Variants in CRB1 observed in about 807,000 individuals in gnomAD.
CRB1 encodes the protein crumbs cell polarity complex component 1.
A neutral mutation model predicts 120.0 loss-of-function variants in CRB1; 83 were observed. The observed-to-expected ratio is 0.69, with a 90% CI of 0.58 to 0.83. CRB1 has a LOEUF of 0.83. Among genes scored for constraint, CRB1 ranks in the 40% least tolerant of loss-of-function variants. CRB1 has a pLI of 0.00. For missense variants in CRB1, 1,699 were observed against 1,687.6 expected, an observed-to-expected ratio of 1.01 and a Z score of -0.12; for synonymous variants, 625 against 612.5, an observed-to-expected ratio of 1.02 and a Z score of -0.30.
intron 5 of CRB1, among the ~76,000 whole-genome samples, chr1:197,397,194 C>T (rs1662814912): frequency 6.6e-6 from 1 of 152,006 alleles, no homozygotes; most frequent in Non-Finnish European, 1.5e-5. Context: ...ATATCAATAA[C>T]ATGTCCATTG....
chr1:197,266,686 T>C (rs1485450871), upstream of CRB1, among the ~76,000 whole-genome samples: 1 of 152,184 alleles, frequency 6.6e-6, no homozygotes, highest in Admixed American at 6.5e-5. Context: ...TAACCATCCT[T>C]TGTATAACAT....
At chr1:197,354,695 G>A (rs1004150994) in intron 4 of CRB1, among the ~76,000 whole-genome samples, 11 of 151,748 alleles carry the variant, frequency 7.2e-5, no homozygotes, top group African/African-American at 2.4e-4. Flanking sequence ...CCCAAACAGT[G>A]GGCAACAGCA....
rs1430888234 is a variant in CRB1 at position 197,421,813 on chromosome 1, C to T, written c.1985C>T (p.Ser662Leu). ...HITLENISSG[S>L]SLNVKAGCVR... ...ACCCTGGAGAACATCTCGTCTGGCT[C>T]ATCATTAAATGTCAAGGCAGGCTGT... Residue 662 changes from serine to leucine, a missense_variant, in exon 6 of 12, where the codon TCA becomes TTA. Ser to Leu is a moderately radical substitution (Grantham distance 145). Coordinates refer to ENST00000367400, the MANE Select transcript of CRB1 (RefSeq NM_201253.3). The T allele has an allele frequency of 1.2e-6, 2 of 1,614,118 alleles. No individual in the cohort carries two copies. Among genetic ancestry groups the T allele is most frequent in the South Asian group, 1.1e-5 (1 of 91,078 alleles).
chr1:197,435,640 G>A (rs72740568), intron 9 of CRB1, 28 bp downstream of exon 9: 3 of 1,587,038 alleles, frequency 1.9e-6, no homozygotes, highest in Admixed American at 1.7e-5. Context: ...ATGAAGCTTG[G>A]TCTTTGAAGC....
the CRB1 span, among the ~76,000 whole-genome samples, chr1:197,220,837 C>T: frequency 2.2e-4 from 33 of 152,216 alleles, no homozygotes; most frequent in South Asian, 2.1e-4. Context: ...CCATGTAAGA[C>T]GTGCTTGCTT....
At chr1:197,441,166 A>C (rs1665414697) in intron 10 of CRB1, 1 of 152,156 alleles carries the variant, frequency 6.6e-6, no homozygotes, top group African/African-American at 2.4e-5. Context: ...GTTTACATAC[A>C]ATTTCAACAT....
intron 5 of CRB1, among the ~76,000 whole-genome samples, chr1:197,385,079 A>G (rs1336752699): frequency 6.6e-6 from 1 of 152,130 alleles, no homozygotes; most frequent in East Asian, 1.9e-4. Context: ...AAGCTCATTA[A>G]TTCTGGTAAC....
chr1:197,431,832 G>A (rs1410491016), intron 8 of CRB1, among the ~76,000 whole-genome samples: 1 of 152,046 alleles, frequency 6.6e-6, no homozygotes, highest in African/African-American at 2.4e-5. Flanking sequence ...GTGTACAATA[G>A]GAATTATAAA....
intron 5 of CRB1, chr1:197,364,187 C>A: frequency 2.1e-6 from 1 of 471,446 alleles, no homozygotes; most frequent in Non-Finnish European, 3.7e-6. Flanking sequence ...AATCCCATTT[C>A]CTATTACAGT....
chr1:197,463,137 G>A (rs566086873), intron 11 of CRB1, among the ~76,000 whole-genome samples: 1 of 152,204 alleles, frequency 6.6e-6, no homozygotes, highest in East Asian at 1.9e-4. Flanking sequence ...TTTACTTCTT[G>A]ATAGACATAC....
chr1:197,446,006 A>G (rs1205089246), intron 11 of CRB1, among the ~76,000 whole-genome samples: 1 of 152,094 alleles, frequency 6.6e-6, no homozygotes, highest in Non-Finnish European at 1.5e-5. Flanking sequence ...CCTGACAAAC[A>G]TGGTGAAACC....
At chr1:197,265,938 C>T (rs1467218123), upstream of CRB1, among the ~76,000 whole-genome samples, 2 of 152,126 alleles carry the variant, frequency 1.3e-5, no homozygotes, top group Non-Finnish European at 2.9e-5. Flanking sequence ...TGTGAATTCA[C>T]TACTTAAAAC....
chr1:197,392,451 T>A (rs1185802257), intron 5 of CRB1, among the ~76,000 whole-genome samples: 1 of 152,092 alleles, frequency 6.6e-6, no homozygotes, highest in Non-Finnish European at 1.5e-5. Context: ...GTAACTCAGA[T>A]AATTTGTTTC....
intron 5 of CRB1, among the ~76,000 whole-genome samples, chr1:197,413,321 A>G (rs1308192145): frequency 6.6e-6 from 1 of 152,206 alleles, no homozygotes; most frequent in South Asian, 2.1e-4. Context: ...GGTCTTTCAT[A>G]GAGGCTGGAA....
intron 1 of CRB1, among the ~76,000 whole-genome samples, chr1:197,278,474 A>C (rs1655345076): frequency 6.6e-6 from 1 of 151,964 alleles, no homozygotes; most frequent in Non-Finnish European, 1.5e-5. Context: ...TTAGGACACA[A>C]TCTGCAGGGG....
chr1:197,446,743 A>G (rs142039923), intron 11 of CRB1, among the ~76,000 whole-genome samples: 46 of 152,316 alleles, frequency 3.0e-4, no homozygotes, highest in Middle Eastern at 3.4e-3. Flanking sequence ...ATAGATTTTA[A>G]AAGTTTGAAG....
intron 2 of CRB1, among the ~76,000 whole-genome samples, chr1:197,340,565 T>C (rs548841025): frequency 4.5e-4 from 69 of 152,156 alleles, no homozygotes; most frequent in African/African-American, 1.5e-3. Flanking sequence ...AGATGAGACA[T>C]GATGAGGGTT....
chr1:197,254,713 G>A, the CRB1 span, among the ~76,000 whole-genome samples: 1 of 152,006 alleles, frequency 6.6e-6, no homozygotes, highest in Non-Finnish European at 1.5e-5. Flanking sequence ...AATTTCTGAA[G>A]GCAATTATAG....
chr1:197,302,587 T>C (rs1450494723), intron 1 of CRB1, among the ~76,000 whole-genome samples: 1 of 152,096 alleles, frequency 6.6e-6, no homozygotes, highest in Admixed American at 6.5e-5. Flanking sequence ...CCTGCAATGG[T>C]GAGCTAAATG....
Sources: allele counts gnomAD v4.1 joint callset (sites outside exome capture counted in the v4.1 genomes callset), GRCh38; gene constraint gnomAD v4.1.1; transcripts MANE v1.5; gene names NCBI Gene and HGNC (gene_info 2026-07-23, HGNC 2026-07-21).